The following CLYBL variants were observed in gnomAD, a reference collection of about 807,000 sequenced individuals.
CLYBL encodes citramalyl-CoA lyase, also known as citramalyl-CoA lyase, mitochondrial.
In CLYBL, 31 loss-of-function variants were observed where a neutral mutation model predicts 38.9. That is an observed-to-expected ratio of 0.80 (90% CI 0.60 to 1.08). CLYBL has a LOEUF of 1.08. CLYBL is among the 50% of genes least tolerant of loss of function. CLYBL has a pLI of 0.00. For synonymous variants in CLYBL, 171 were observed against 158.6 expected (o/e 1.08, Z -0.59); for missense variants, 434 against 411.6 (o/e 1.05, Z -0.47).
At chr13:99,734,588 G>A (rs1260082953) in intron 1 of CLYBL, among the ~76,000 whole-genome samples, 1 of 152,052 alleles carries the variant, frequency 6.6e-6, no homozygotes, top group Non-Finnish European at 1.5e-5. Context: ...CACGGGGCTG[G>A]GATTTGATAG....
chr13:99,818,138 A>G (rs2050498085), intron 2 of CLYBL, among the ~76,000 whole-genome samples: 1 of 152,050 alleles, frequency 6.6e-6, no homozygotes, highest in Non-Finnish European at 1.5e-5. Context: ...CTGATCAGAT[A>G]TGAGAACTTA....
At chr13:99,642,975 C>A (rs1031644320) in intron 1 of CLYBL, 4 of 153,430 alleles carry the variant, frequency 2.6e-5, no homozygotes, top group African/African-American at 9.6e-5. Flanking sequence ...GCAGGCTGCT[C>A]TCATTTCTAA....
chr13:99,778,335 ACT>A (rs145992416), intron 2 of CLYBL, among the ~76,000 whole-genome samples: 4,994 of 151,608 alleles, frequency 0.033, 284 homozygotes, highest in African/African-American at 0.11. Flanking sequence ...CCATATTAAA[ACT>A]CTTAATTTCA....
chr13:99,790,500 T>C (rs1290463628), intron 2 of CLYBL, among the ~76,000 whole-genome samples: 1 of 152,170 alleles, frequency 6.6e-6, no homozygotes, highest in African/African-American at 2.4e-5. Context: ...GGTTGAAAAT[T>C]CTTTTCTTTA....
intron 1 of CLYBL, among the ~76,000 whole-genome samples, chr13:99,733,408 A>C (rs1489968123): frequency 1.3e-5 from 2 of 152,180 alleles, no homozygotes; most frequent in African/African-American, 4.8e-5. Context: ...AATGCTTAAA[A>C]CTTTTTCCAT....
intron 1 of CLYBL, among the ~76,000 whole-genome samples, chr13:99,675,483 C>T (rs908580066): frequency 6.6e-6 from 1 of 152,206 alleles, no homozygotes; most frequent in Non-Finnish European, 1.5e-5. Context: ...ACTGTTTCTT[C>T]AGCCCCAAAA....
chr13:99,888,410 C>A (rs1566368409), intron 7 of CLYBL, among the ~76,000 whole-genome samples: 1 of 152,056 alleles, frequency 6.6e-6, no homozygotes. Context: ...AGGAACTGCT[C>A]AAAAAATTAT....
At chr13:99,658,897 C>T (rs1256820186) in intron 1 of CLYBL, among the ~76,000 whole-genome samples, 1 of 152,136 alleles carries the variant, frequency 6.6e-6, no homozygotes, top group East Asian at 1.9e-4. Context: ...TCAGGCAAAA[C>T]AGATCAAGCC....
intron 1 of CLYBL, among the ~76,000 whole-genome samples, chr13:99,673,228 C>T (rs2047593324): frequency 6.6e-6 from 1 of 152,094 alleles, no homozygotes; most frequent in African/African-American, 2.4e-5. Context: ...GCCTGGCCAA[C>T]ATGGTGAAAC....
chr13:99,778,796 C>T (rs1230015717), intron 2 of CLYBL, among the ~76,000 whole-genome samples: 1 of 152,130 alleles, frequency 6.6e-6, no homozygotes, highest in Non-Finnish European at 1.5e-5. Context: ...GATGTAACTC[C>T]ATGACACTGG....
chr13:99,649,182 T>G (rs1256658927), intron 1 of CLYBL, among the ~76,000 whole-genome samples: 1 of 152,190 alleles, frequency 6.6e-6, no homozygotes, highest in Non-Finnish European at 1.5e-5. Context: ...CTGCACAGTC[T>G]GTCCCTTTTC....
chr13:99,673,270 G>A (rs1256729567), intron 1 of CLYBL, among the ~76,000 whole-genome samples: 3 of 151,934 alleles, frequency 2.0e-5, no homozygotes, highest in South Asian at 2.1e-4. Context: ...AAAATTAGCC[G>A]GGCATGGTGG....
At chr13:99,654,607 G>A (rs976458015) in intron 1 of CLYBL, among the ~76,000 whole-genome samples, 5 of 152,202 alleles carry the variant, frequency 3.3e-5, no homozygotes, top group Admixed American at 1.3e-4. Flanking sequence ...AGGGTATTGG[G>A]TGAAAATGAA....
intron 7 of CLYBL, 98 bp from the exon 8 acceptor site, chr13:99,891,219 AG>A: frequency 1.1e-6 from 1 of 869,898 alleles, no homozygotes; most frequent in South Asian, 1.5e-5. Context: ...AGTATAATTC[AG>A]GTGGAATCTA....
chr13:99,825,264 C>T (rs1566342538), intron 2 of CLYBL, among the ~76,000 whole-genome samples: 1 of 152,154 alleles, frequency 6.6e-6, no homozygotes, highest in Admixed American at 6.5e-5. Context: ...GGCTGTACGA[C>T]GTCAGGACAG....
chr13:99,668,884 A>G (rs1326940431), intron 1 of CLYBL, among the ~76,000 whole-genome samples: 1 of 152,114 alleles, frequency 6.6e-6, no homozygotes, highest in East Asian at 1.9e-4. Context: ...CTAGGTGAAG[A>G]GTGCAGAAGC....
chr13:99,852,842 G>A (rs2051365260), intron 2 of CLYBL, among the ~76,000 whole-genome samples: 1 of 152,262 alleles, frequency 6.6e-6, no homozygotes, highest in Admixed American at 6.5e-5. Context: ...TGTTTACTCT[G>A]CCTGACTTAA....
chr13:99,875,718 C>G (rs1180626506), intron 7 of CLYBL, among the ~76,000 whole-genome samples: 2 of 152,152 alleles, frequency 1.3e-5, no homozygotes. Context: ...AACAGTGTAT[C>G]CTCCCACACC....
intron 7 of CLYBL, among the ~76,000 whole-genome samples, chr13:99,873,993 C>G (rs2051974063): frequency 6.6e-6 from 1 of 152,160 alleles, no homozygotes; most frequent in Non-Finnish European, 1.5e-5. Flanking sequence ...TCATCTGTCC[C>G]TGTTTGGCAG....
Sources: allele counts gnomAD v4.1 joint callset (sites outside exome capture counted in the v4.1 genomes callset), GRCh38; gene constraint gnomAD v4.1.1; transcripts MANE v1.5; gene names NCBI Gene and HGNC (gene_info 2026-07-23, HGNC 2026-07-21).